The following LRP1B variants were observed in gnomAD, a reference collection of about 807,000 sequenced individuals.
The protein encoded by LRP1B is LDL receptor related protein 1B.
A neutral mutation model predicts 556.6 loss-of-function variants in LRP1B; 217 were observed. The ratio of observed to expected loss-of-function variants is 0.39; its 90% CI spans 0.35 to 0.44. LRP1B has a LOEUF of 0.44. Among genes scored for constraint, LRP1B ranks in the 20% least tolerant of loss-of-function variants. LRP1B has a pLI of 1.00. For synonymous variants in LRP1B, 2,047 were observed against 1,865.8 expected (o/e 1.10, Z -2.50); for missense variants, 5,053 against 5,620.8 (o/e 0.90, Z 3.23).
chr2:141,610,883 T>C (rs1344126082), intron 2 of LRP1B, among the ~76,000 whole-genome samples: 3 of 152,228 alleles, frequency 2.0e-5, no homozygotes, highest in African/African-American at 7.2e-5. Context: ...ATTTTGAAGT[T>C]CTTTTAAAGA....
chr2:141,013,219 A>T (rs892614876), intron 14 of LRP1B, among the ~76,000 whole-genome samples: 1 of 151,992 alleles, frequency 6.6e-6, no homozygotes, highest in African/African-American at 2.4e-5. Flanking sequence ...AAGTTCTAAC[A>T]TTTAACAATA....
At chr2:141,363,772 C>A (rs995320242) in intron 3 of LRP1B, among the ~76,000 whole-genome samples, 1 of 151,828 alleles carries the variant, frequency 6.6e-6, no homozygotes, top group Non-Finnish European at 1.5e-5. Context: ...GAAAAAATTC[C>A]CCAATTATAT....
At chr2:140,720,875 G>T (rs1167717951) in intron 35 of LRP1B, among the ~76,000 whole-genome samples, 1 of 152,096 alleles carries the variant, frequency 6.6e-6, no homozygotes, top group East Asian at 1.9e-4. Flanking sequence ...TTACCATGAT[G>T]CTCTGTCCTA....
At chr2:140,784,157 C>T (rs111970782) in intron 32 of LRP1B, among the ~76,000 whole-genome samples, 8 of 152,120 alleles carry the variant, frequency 5.3e-5, no homozygotes, top group South Asian at 2.1e-4. Flanking sequence ...GCCTATGTCA[C>T]GAACATAAGA....
chr2:142,023,449 G>A (rs1248084837), intron 1 of LRP1B, among the ~76,000 whole-genome samples: 2 of 152,048 alleles, frequency 1.3e-5, no homozygotes, highest in Non-Finnish European at 2.9e-5. Flanking sequence ...TTATGTCAAG[G>A]CTGAAGACCC....
At chr2:141,310,091 T>C (rs1686754905) in intron 3 of LRP1B, among the ~76,000 whole-genome samples, 1 of 152,162 alleles carries the variant, frequency 6.6e-6, no homozygotes, top group Non-Finnish European at 1.5e-5. Flanking sequence ...TAATGGAAAC[T>C]TTTTAAAGAA....
intron 2 of LRP1B, among the ~76,000 whole-genome samples, chr2:141,646,683 A>C (rs947406962): frequency 1.2e-4 from 19 of 152,140 alleles, no homozygotes; most frequent in Non-Finnish European, 2.6e-4. Context: ...CACAGTAAAA[A>C]GCTCAAGTAG....
At chr2:140,660,513 C>T (rs766153992) in intron 41 of LRP1B, among the ~76,000 whole-genome samples, 21 of 152,074 alleles carry the variant, frequency 1.4e-4, no homozygotes, top group Non-Finnish European at 2.8e-4. Context: ...ATCATATAAT[C>T]TATCAAAGCC....
chr2:140,755,688 T>C (rs1010456042), intron 35 of LRP1B, among the ~76,000 whole-genome samples: 1 of 151,978 alleles, frequency 6.6e-6, no homozygotes, highest in African/African-American at 2.4e-5. Flanking sequence ...TGATAAATGA[T>C]ATCCACAAAA....
chr2:141,415,920 T>G lies in LRP1B; in HGVS notation c.343+64476A>C, dbSNP rs1356707638. 2.0e-5 allele frequency among the ~76,000 whole-genome samples: 3 copies of G among 152,162 alleles called. No individual in the cohort carries two copies. In the South Asian group the frequency reaches 6.2e-4, roughly 32 times the overall value. On this transcript the variant is annotated intron_variant, in intron 3 of 90. Coordinates refer to ENST00000389484, the MANE Select transcript of LRP1B (RefSeq NM_018557.3). ...CAGAGGTTATTGATTTTTACTAACATCACGGAAGCAGGGAAGATTGAGAAC... is the reference window on the plus strand; with the variant it reads ...CAGAGGTTATTGATTTTTACTAACAGCACGGAAGCAGGGAAGATTGAGAAC...
chr2:142,115,321 A>T (rs929389075), intron 1 of LRP1B, among the ~76,000 whole-genome samples: 1 of 149,560 alleles, frequency 6.7e-6, no homozygotes, highest in Non-Finnish European at 1.5e-5. Flanking sequence ...AAGGTTGAAG[A>T]TATGTCAAAG....
intron 1 of LRP1B, among the ~76,000 whole-genome samples, chr2:141,862,198 T>C (rs1698268929): frequency 6.6e-6 from 1 of 152,190 alleles, no homozygotes; most frequent in African/African-American, 2.4e-5. Context: ...GCTACTATAA[T>C]ATAAATTCAC....
At chr2:140,327,637 G>A (rs1680559523) in intron 79 of LRP1B, among the ~76,000 whole-genome samples, 1 of 152,072 alleles carries the variant, frequency 6.6e-6, no homozygotes, top group East Asian at 1.9e-4. Context: ...TAAAGAAGTA[G>A]CTAAAACAAA....
intron 10 of LRP1B, among the ~76,000 whole-genome samples, chr2:141,053,828 A>ATGTT (rs1699105986): frequency 6.7e-6 from 1 of 150,130 alleles, no homozygotes; most frequent in South Asian, 2.1e-4. Context: ...GTGTGTATAT[A>ATGTT]TGTGTGTGTG....
intron 7 of LRP1B, among the ~76,000 whole-genome samples, chr2:141,164,721 G>A (rs1439545126): frequency 6.6e-6 from 1 of 151,908 alleles, no homozygotes; most frequent in Non-Finnish European, 1.5e-5. Context: ...ATCCAAATGT[G>A]GGGAAGCAGT....
intron 2 of LRP1B, among the ~76,000 whole-genome samples, chr2:141,761,675 A>G (rs943391701): frequency 6.6e-6 from 1 of 152,160 alleles, no homozygotes; most frequent in Non-Finnish European, 1.5e-5. Context: ...TTGGAATCTG[A>G]CTGAATGCAT....
chr2:140,687,666 G>T (rs1210847962), intron 41 of LRP1B, among the ~76,000 whole-genome samples: 1 of 151,768 alleles, frequency 6.6e-6, no homozygotes, highest in African/African-American at 2.4e-5. Context: ...CACAATAGTA[G>T]GTTGAATATG....
At chr2:140,321,841 A>T in intron 82 of LRP1B, 122 bp downstream of exon 82, 3 of 915,218 alleles carry the variant, frequency 3.3e-6, no homozygotes, top group Non-Finnish European at 5.0e-6. Context: ...GGCATTCAAG[A>T]ACCACTGCTA....
chr2:140,471,792 A>G (rs927899040), intron 60 of LRP1B, among the ~76,000 whole-genome samples: 2 of 152,184 alleles, frequency 1.3e-5, no homozygotes, highest in African/African-American at 4.8e-5. Flanking sequence ...ATTACTTAGC[A>G]TACAAGGCTT....
Sources: gnomAD v4.1 joint callset for allele counts (sites outside exome capture counted in the v4.1 genomes callset) on GRCh38, gnomAD v4.1.1 for gene constraint, MANE v1.5 for transcripts, NCBI Gene and HGNC (gene_info 2026-07-23, HGNC 2026-07-21) for gene names.